Variants in APLP2 observed in about 807,000 individuals in gnomAD.
APLP2 encodes the protein amyloid beta precursor like protein 2, also known as CDEI box-binding protein.
APLP2 carries 53 observed loss-of-function variants against 89.9 expected under a neutral mutation model. That is an observed-to-expected ratio of 0.59 (90% CI 0.47 to 0.74). The LOEUF (loss-of-function observed/expected upper bound fraction) is 0.74, where lower values mean the gene tolerates loss of function less well. APLP2 is among the 30% of genes least tolerant of loss of function. APLP2 has a pLI of 0.00. For synonymous variants in APLP2, 372 were observed against 348.6 expected (o/e 1.07, Z -0.75); for missense variants, 973 against 975.9 (o/e 1.00, Z 0.04).
At chr11:130,091,537 G>A (rs1262186357) in intron 1 of APLP2, among the ~76,000 whole-genome samples, 1,282 of 112,002 alleles carry the variant, frequency 0.011, no homozygotes, top group East Asian at 0.013. Context: ...CTGGCCGGGC[G>A]GGGGGCTGAC....
Position 130,142,025 on chromosome 11 carries a change from T to G in APLP2, c.2105T>G (p.Val702Gly), listed in dbSNP as rs767817211. 2 of 1,613,756 alleles carry G rather than the reference T, an allele frequency of 1.2e-6. No homozygotes were observed. Residue 702 changes from valine (V) to glycine (G), a missense_variant, in exon 16 of 17, where the codon GTG (valine) becomes GGG (glycine). Physicochemically the swap from Val to Gly is moderately radical, Grantham distance 109 (BLOSUM62 -3). Transcript: ENST00000338167. ...GCCACGGTCATCGTCATCAGCCTGG[T>G]GATGCTGAGGAAGAGGCAGTATGGC... ...AIATVIVISL[V>G]MLRKRQYGTI...
At chr11:130,104,638 T>G (rs1308977629) in intron 1 of APLP2, among the ~76,000 whole-genome samples, 1 of 152,178 alleles carries the variant, frequency 6.6e-6, no homozygotes, top group Non-Finnish European at 1.5e-5. Flanking sequence ...TAGGTGTGTG[T>G]TCCTTCCTAC....
intron 1 of APLP2, 79 bp downstream of exon 1, chr11:130,070,161 C>A: frequency 1.0e-6 from 1 of 998,530 alleles, no homozygotes; most frequent in Non-Finnish European, 1.3e-6. Context: ...CAGCGGGGTC[C>A]GCGGCAGGGC....
intron 1 of APLP2, among the ~76,000 whole-genome samples, chr11:130,078,090 T>C (rs1385146625): frequency 1.3e-5 from 2 of 152,206 alleles, no homozygotes; most frequent in African/African-American, 4.8e-5. Flanking sequence ...GACTTTATGG[T>C]ATCACTTTTT....
chr11:130,133,664 G>C lies in APLP2; in HGVS notation c.1620G>C (p.Arg540Ser). The C allele has an allele frequency of 6.2e-7, 1 of 1,614,100 alleles. No homozygotes were observed. The highest frequency in any genetic ancestry group is 1.1e-5 in the South Asian group (1 of 91,076). ...MTHLHVIEER[R>S]NQSLSLLYKV... ...ATCTCCACGTGATTGAAGAAAGGAG[G>C]AACCAAAGCCTCTCTCTGCTCTACA... Residue 540 changes from arginine to serine, a missense_variant, in exon 12 of 17, where the codon AGG becomes AGC. By Grantham distance (110) the Arg-to-Ser change is moderately radical (BLOSUM62 -1). Transcript: ENST00000338167.
intron 1 of APLP2, chr11:130,070,445 C>T (rs957675190): frequency 1.7e-5 from 14 of 806,760 alleles, no homozygotes; most frequent in South Asian, 6.1e-5. Context: ...GGGCGCTCCT[C>T]TCCCGCCGGA....
chr11:130,094,100 C>T (rs1033084981), intron 1 of APLP2, among the ~76,000 whole-genome samples: 1 of 133,660 alleles, frequency 7.5e-6, no homozygotes, highest in Admixed American at 8.3e-5. Flanking sequence ...GTAGCCCAGG[C>T]TGGAGTGCAA....
chr11:130,119,596 A>G (rs1002927804), intron 3 of APLP2, among the ~76,000 whole-genome samples: 1 of 152,202 alleles, frequency 6.6e-6, no homozygotes, highest in African/African-American at 2.4e-5. Flanking sequence ...CCTGTAAATA[A>G]ACAGCTATGT....
In APLP2 at chr11:130,129,197, C is replaced by T. The variant is rs147296498; in HGVS notation, c.1446C>T (p.Asp482=). The T allele has an allele frequency of 1.8e-4, 295 of 1,613,146 alleles. 2 individuals carry two copies. In the African/African-American group the frequency reaches 3.5e-3, roughly 19 times the overall value. Residue 482 remains aspartate (D), a synonymous_variant, in exon 10 of 17, where the codon GAC becomes GAT. Coordinates refer to ENST00000338167, the MANE Select transcript of APLP2 (RefSeq NM_001142276.2). ...LENYLAALQS[D]PPRPHRILQA... The stretch of plus-strand genomic sequence containing the variant: ...ACTACCTGGCTGCCTTGCAGTCTGA[C>T]CCGCCACGGGTGAGTCCTGCCCCTA...
chr11:130,113,668 G>A lies in APLP2; in HGVS notation c.403+3007G>A, dbSNP rs528190849. Among the ~76,000 whole-genome samples, 51 of 152,146 alleles carry A rather than the reference G, an allele frequency of 3.4e-4. No homozygotes were observed. In the South Asian group the frequency reaches 9.9e-3, roughly 30 times the overall value. ...CCCCTTCCGCTGTCACCTCCACTTC[G>A]AGCACCCAGGCAGAACTGACATCAT... On this transcript the variant is annotated intron_variant, in intron 3 of 16. Coordinates refer to ENST00000338167, the MANE Select transcript of APLP2 (RefSeq NM_001142276.2).
At chr11:130,127,064 C>CTTTT (rs34915276) in intron 8 of APLP2, among the ~76,000 whole-genome samples, 1 of 127,310 alleles carries the variant, frequency 7.9e-6, no homozygotes, top group African/African-American at 2.8e-5. Flanking sequence ...ATTATCTGCC[C>CTTTT]TTTTTTTTTT....
rs773227254 is a variant in APLP2 at position 130,123,599 on chromosome 11, C to A, written c.923-13C>A. ...GCCTCTGTCCTGCTGACACTCTGACCATTTTCACACAGCTGTCTGCTCCCA... is the reference window on the plus strand; with the variant it reads ...GCCTCTGTCCTGCTGACACTCTGACAATTTTCACACAGCTGTCTGCTCCCA... On this transcript the variant is annotated splice_polypyrimidine_tract_variant and intron_variant, in intron 6 of 16. Coordinates refer to ENST00000338167, the MANE Select transcript of APLP2 (RefSeq NM_001142276.2). This position sits in a 1 kb window ranked among gnomAD's most constrained non-coding sequence, Gnocchi z 4.0. 1.2e-6 allele frequency: 2 copies of A among 1,609,804 alleles called. No individual in the cohort carries two copies. Among genetic ancestry groups the A allele is most frequent in the South Asian group, 1.1e-5 (1 of 90,688 alleles).
chr11:130,105,093 C>T (rs1245101360), intron 1 of APLP2, among the ~76,000 whole-genome samples: 1 of 152,172 alleles, frequency 6.6e-6, no homozygotes, highest in Non-Finnish European at 1.5e-5. Context: ...ATTAAAGTTT[C>T]CTAGAAAATC....
At chr11:130,105,998 C>G (rs960059301) in intron 1 of APLP2, among the ~76,000 whole-genome samples, 6 of 151,860 alleles carry the variant, frequency 4.0e-5, no homozygotes, top group Admixed American at 6.6e-5. Context: ...CCCCCACGCC[C>G]GGCCGATGCC....
At chr11:130,090,925 C>T (rs1218141014) in intron 1 of APLP2, among the ~76,000 whole-genome samples, 88 of 136,158 alleles carry the variant, frequency 6.5e-4, no homozygotes, top group African/African-American at 2.6e-3. Context: ...CCGGACGGGG[C>T]GGCTGGCCGG....
intron 3 of APLP2, among the ~76,000 whole-genome samples, chr11:130,116,234 A>G (rs1408294535): frequency 6.6e-6 from 1 of 152,182 alleles, no homozygotes; most frequent in Non-Finnish European, 1.5e-5. Flanking sequence ...AGAGATACGC[A>G]GTGGGTTTCC....
At chr11:130,120,181 G>C (rs1398132104) in intron 3 of APLP2, among the ~76,000 whole-genome samples, 1 of 152,108 alleles carries the variant, frequency 6.6e-6, no homozygotes, top group African/African-American at 2.4e-5. Context: ...TCTGGCTGAG[G>C]TAGTTTGCCA....
intron 1 of APLP2, among the ~76,000 whole-genome samples, chr11:130,098,038 C>T (rs1043967748): frequency 1.3e-5 from 2 of 152,270 alleles, no homozygotes; most frequent in African/African-American, 4.8e-5. Flanking sequence ...TTTGTAGACC[C>T]TGTTAGTCCC....
intron 1 of APLP2, among the ~76,000 whole-genome samples, chr11:130,094,701 A>T (rs1945953330): frequency 6.6e-6 from 1 of 152,232 alleles, no homozygotes; most frequent in African/African-American, 2.4e-5. Flanking sequence ...TGAATTTTCC[A>T]TTCACACACC....
Sources: gnomAD v4.1 joint callset for allele counts (sites outside exome capture counted in the v4.1 genomes callset) on GRCh38, gnomAD v4.1.1 for gene constraint, Gnocchi (gnomAD v3.1) non-coding constraint, MANE v1.5 for transcripts, NCBI Gene and HGNC (gene_info 2026-07-23, HGNC 2026-07-21) for gene names.